The following XKR4 variants were observed in gnomAD, a reference collection of about 807,000 sequenced individuals.
XKR4 encodes the protein XK related 4.
Under a neutral mutation model 53.9 loss-of-function variants are expected in XKR4, and 12 were observed. The ratio of observed to expected loss-of-function variants is 0.22; its 90% CI spans 0.14 to 0.36. The LOEUF (loss-of-function observed/expected upper bound fraction) is 0.36. Among genes scored for constraint, XKR4 ranks in the 10% least tolerant of loss-of-function variants. The pLI, the probability that XKR4 is intolerant of heterozygous loss-of-function variation, is 1.00. For synonymous variants in XKR4, 354 were observed against 362.4 expected (o/e 0.98, Z 0.26); for missense variants, 799 against 859.5 (o/e 0.93, Z 0.88).
chr8:55,454,672 C>T lies in XKR4; in HGVS notation c.1007-68609C>T, dbSNP rs867227990. 5 of 943,824 alleles carry T rather than the reference C, an allele frequency of 5.3e-6. 1 individual carries two copies. In the Middle Eastern group the frequency reaches 9.1e-4, roughly 172 times the overall value. The allele number at this position is 943,824 out of a possible 1,614,324, so 58.5% of individuals were successfully genotyped here. A position where few individuals can be genotyped will look rare whatever the true frequency, so the allele number is the denominator to read the frequency against. ...CGTCAGCAGGTTCCCAATTACGTTC[C>T]CTGGGAACACATTCAGGCCCTCCAC... On this transcript the variant is annotated intron_variant, in intron 2 of 2. Transcript: ENST00000327381.
chr8:55,326,259 T>C (rs745313847), intron 1 of XKR4, among the ~76,000 whole-genome samples: 1 of 152,206 alleles, frequency 6.6e-6, no homozygotes, highest in Non-Finnish European at 1.5e-5. Context: ...AATCACCATT[T>C]GTTTAATGCC....
At chr8:55,126,068 A>T (rs1382993862) in intron 1 of XKR4, among the ~76,000 whole-genome samples, 2 of 152,178 alleles carry the variant, frequency 1.3e-5, no homozygotes, top group African/African-American at 2.4e-5. Context: ...CTTCTGGTGC[A>T]TCTTATGTGA....
At chr8:55,455,166 G>A (rs1805545750) in intron 2 of XKR4, 2 of 545,008 alleles carry the variant, frequency 3.7e-6, no homozygotes, top group East Asian at 3.7e-5. Flanking sequence ...CGGGCTCCGC[G>A]GCTCGGGGAC....
chr8:55,398,287 C>T lies in XKR4; in HGVS notation c.1006+40410C>T, dbSNP rs578067498. 2.6e-5 allele frequency among the ~76,000 whole-genome samples: 4 copies of T among 152,300 alleles called. No homozygotes were observed. In the East Asian group the frequency reaches 5.8e-4, roughly 22 times the overall value. ...GGAGGTGAGGAGGACTGCCATGGGC[C>T]ACCAAGCACCCTCGCCATGCACCTT... On this transcript the variant is annotated intron_variant, in intron 2 of 2. Transcript: ENST00000327381.
chr8:55,440,662 C>G (rs192760813), intron 2 of XKR4, among the ~76,000 whole-genome samples: 1 of 151,736 alleles, frequency 6.6e-6, no homozygotes, highest in Non-Finnish European at 1.5e-5. Flanking sequence ...GAGCAGAAAA[C>G]AAGAGCCCAA....
chr8:55,153,394 A>G (rs1270152070), intron 1 of XKR4, among the ~76,000 whole-genome samples: 1 of 152,210 alleles, frequency 6.6e-6, no homozygotes, highest in African/African-American at 2.4e-5. Flanking sequence ...AATGGAAGAA[A>G]ATATTCAAAG....
intron 1 of XKR4, among the ~76,000 whole-genome samples, chr8:55,176,101 A>G (rs1255197900): frequency 1.3e-5 from 2 of 152,224 alleles, no homozygotes; most frequent in Non-Finnish European, 1.5e-5. Context: ...GAAATAAATC[A>G]TAGATACGCA....
At chr8:55,346,813 G>A (rs1446252061) in intron 1 of XKR4, among the ~76,000 whole-genome samples, 1 of 151,614 alleles carries the variant, frequency 6.6e-6, no homozygotes, top group Non-Finnish European at 1.5e-5. Context: ...AAGATCTTCT[G>A]CACAGATTTC....
rs75524411 is a variant in XKR4 at position 55,201,989 on chromosome 8, T to C, written c.806+98695T>C. Among the ~76,000 whole-genome samples the C allele has an allele frequency of 9.7e-4, 148 of 152,318 alleles. 3 individuals are homozygous for C. In the East Asian group the frequency reaches 0.026, roughly 27 times the overall value. On this transcript the variant is annotated intron_variant, in intron 1 of 2. Coordinates refer to ENST00000327381, the MANE Select transcript of XKR4 (RefSeq NM_052898.2). ...CTAAAACTGAGATATGGTTTATTTA[T>C]TTACAAAATGGAGGCCATGATATTA... is the stretch of plus-strand genomic sequence containing the variant.
In XKR4 at chr8:55,281,719, T is replaced by C. The variant is rs149213292; in HGVS notation, c.807-75959T>C. Among the ~76,000 whole-genome samples the C allele has an allele frequency of 9.1e-4, 139 of 152,346 alleles. 2 individuals are homozygous for C. Among genetic ancestry groups the C allele is most frequent in the African/African-American group, 3.3e-3 (139 of 41,586 alleles). ...AAATGCTTTAAGTAATTTCTCTCGC[T>C]GTTTATATTCTGGGGTCTTGACATG... On this transcript the variant is annotated intron_variant, in intron 1 of 2. Coordinates refer to ENST00000327381, the MANE Select transcript of XKR4 (RefSeq NM_052898.2).
chr8:55,466,197 T>A (rs1805765494), intron 2 of XKR4, among the ~76,000 whole-genome samples: 2 of 152,144 alleles, frequency 1.3e-5, no homozygotes, highest in African/African-American at 4.8e-5. Context: ...TGTATGTTTA[T>A]TGCGGCACTA....
chr8:55,219,259 A>C (rs4430068), intron 1 of XKR4, among the ~76,000 whole-genome samples: 119,511 of 152,140 alleles, frequency 0.79, 49,199 homozygotes, highest in Non-Finnish European at 0.92. Context: ...TCATTCATGG[A>C]CCTGCGATGG....
chr8:55,154,944 G>C (rs145376709), intron 1 of XKR4, among the ~76,000 whole-genome samples: 44 of 152,246 alleles, frequency 2.9e-4, no homozygotes, highest in South Asian at 2.1e-4. Flanking sequence ...GGTGTACGAC[G>C]TGAGGACCAA....
chr8:55,394,495 C>T (rs567874818), intron 2 of XKR4, among the ~76,000 whole-genome samples: 1 of 152,172 alleles, frequency 6.6e-6, no homozygotes. Context: ...TTTAATAAGA[C>T]ATGGTTTTGA....
intron 1 of XKR4, among the ~76,000 whole-genome samples, chr8:55,127,508 C>T (rs1816485317): frequency 6.6e-6 from 1 of 151,518 alleles, no homozygotes. Context: ...CCTCCTTGGC[C>T]TCCCAAAGTG....
intron 1 of XKR4, among the ~76,000 whole-genome samples, chr8:55,196,155 C>T (rs796958481): frequency 4.0e-5 from 6 of 148,592 alleles, no homozygotes; most frequent in African/African-American, 1.5e-4. Context: ...CCCACAGGAA[C>T]ATGTGGGTGG....
intron 1 of XKR4, among the ~76,000 whole-genome samples, chr8:55,307,240 A>G (rs954582342): frequency 7.2e-5 from 11 of 152,186 alleles, no homozygotes; most frequent in African/African-American, 2.2e-4. Flanking sequence ...CAGACCAGAT[A>G]CCCAACAAAG....
intron 1 of XKR4, among the ~76,000 whole-genome samples, chr8:55,326,799 A>C (rs1375917202): frequency 1.3e-5 from 2 of 151,896 alleles, no homozygotes; most frequent in Non-Finnish European, 2.9e-5. Flanking sequence ...TGTGAAAGTT[A>C]GGCGGATTTG....
At chr8:55,468,605 C>T (rs1318147245) in intron 2 of XKR4, among the ~76,000 whole-genome samples, 1 of 152,092 alleles carries the variant, frequency 6.6e-6, no homozygotes, top group Non-Finnish European at 1.5e-5. Flanking sequence ...AACAAAATCA[C>T]TTTATATCTA....
Sources: allele counts gnomAD v4.1 joint callset (sites outside exome capture counted in the v4.1 genomes callset), GRCh38; gene constraint gnomAD v4.1.1; transcripts MANE v1.5; gene names NCBI Gene and HGNC (gene_info 2026-07-23, HGNC 2026-07-21).